The following PHACTR2 variants were observed in gnomAD, a reference collection of about 807,000 sequenced individuals.
The protein encoded by PHACTR2 is chromosome 6 open reading frame 56.
Under a neutral mutation model 76.0 loss-of-function variants are expected in PHACTR2, and 30 were observed. The ratio of observed to expected loss-of-function variants is 0.39; its 90% CI spans 0.30 to 0.54. The LOEUF is 0.54. Among genes scored for constraint, PHACTR2 ranks in the 20% least tolerant of loss-of-function variants. PHACTR2 has a pLI of 0.61. For synonymous variants in PHACTR2, 292 were observed against 292.5 expected (o/e 1.00, Z 0.02); for missense variants, 696 against 781.1 (o/e 0.89, Z 1.30).
At position 143,746,438 on chromosome 6, in the gene PHACTR2, C is replaced by T. The variant is rs944930263; in HGVS notation, c.215-2547C>T. Among the ~76,000 whole-genome samples the T allele has an allele frequency of 3.3e-5, 5 of 152,312 alleles. No homozygotes were observed. The South Asian group carries it at 1.0e-3, about 32-fold the overall frequency. On this transcript the variant is annotated intron_variant, in intron 2 of 12. Coordinates refer to ENST00000440869, the MANE Select transcript of PHACTR2 (RefSeq NM_001100164.2). ...GTGATTGAATGCTGAATTGGCAGTG[C>T]ATTTGGTTTGCGAGAATGTGGCCCG...
chr6:143,798,076 A>C (rs1017344996), intron 11 of PHACTR2, among the ~76,000 whole-genome samples: 1 of 152,092 alleles, frequency 6.6e-6, no homozygotes, highest in Non-Finnish European at 1.5e-5. Context: ...TATTTCCTTG[A>C]GCAGTGGTTT....
In PHACTR2 at chr6:143,663,796, G is replaced by A. The variant is rs2128448945; in HGVS notation, c.14-48220G>A. Among the ~76,000 whole-genome samples the A allele has an allele frequency of 6.6e-6, 1 of 151,774 alleles. No individual in the cohort carries two copies. On this transcript the variant is annotated intron_variant, in intron 1 of 11. Coordinates refer to the PHACTR2 transcript ENST00000305766. The surrounding 1 kb of genome is among the most constrained non-coding windows in gnomAD (Gnocchi z 4.1). ...TAATTACATTATGGTCAGAGATCAG[G>A]GATTACTTAATATGAATTACTTAAA...
chr6:143,653,207 C>T lies in PHACTR2; in HGVS notation c.13+44885C>T, dbSNP rs1464817323. Among the ~76,000 whole-genome samples, 1 of 152,188 alleles carries T rather than the reference C, an allele frequency of 6.6e-6. No individual in the cohort carries two copies. The highest frequency in any genetic ancestry group is 1.5e-5 in the Non-Finnish European group (1 of 68,036). ...AAGACACGTCAGGAAGCAATTTGTG[C>T]ATCGAGACTCGAGCTGCTTTGGAGT... On this transcript the variant is annotated intron_variant, in intron 1 of 11. Transcript: ENST00000305766. The surrounding 1 kb of genome is among the most constrained non-coding windows in gnomAD (Gnocchi z 4.9).
rs561503462 is a variant in PHACTR2, at chr6:143,789,657, G to A, written c.1845+747G>A. ...GCAAAATCTGGTATTGAATAAACTC[G>A]TGCTATACCCAGTTTTTTTTAATCA... On this transcript the variant is annotated intron_variant, in intron 11 of 12. Transcript: ENST00000440869. The surrounding 1 kb of genome is among the most constrained non-coding windows in gnomAD (Gnocchi z 5.1). Among the ~76,000 whole-genome samples the A allele has an allele frequency of 3.3e-5, 5 of 152,140 alleles. No individual in the cohort carries two copies. The highest frequency in any genetic ancestry group is 3.4e-3 in the Middle Eastern group (1 of 294).
upstream of PHACTR2, among the ~76,000 whole-genome samples, chr6:143,605,817 T>C (rs186202215): frequency 3.2e-4 from 49 of 152,358 alleles, no homozygotes; most frequent in African/African-American, 1.2e-3. This position sits in a 1 kb window ranked among gnomAD's most constrained non-coding sequence, Gnocchi z 5.0. Context: ...AAGAATTATT[T>C]TCTGCCATTT....
intron 1 of PHACTR2, among the ~76,000 whole-genome samples, chr6:143,686,834 C>T (rs77395714): frequency 1.3e-5 from 2 of 152,238 alleles, no homozygotes; most frequent in East Asian, 3.9e-4. Flanking sequence ...CTTTCCCCTG[C>T]TTTGGACATG....
At position 143,774,917 on chromosome 6, in the gene PHACTR2, C is replaced by T. The variant is rs1175006952; in HGVS notation, c.1589+702C>T. 6.6e-6 allele frequency among the ~76,000 whole-genome samples: 1 copy of T among 152,214 alleles called. No homozygotes were observed. Among genetic ancestry groups the T allele is most frequent in the Non-Finnish European group, 1.5e-5 (1 of 68,050 alleles). On this transcript the variant is annotated intron_variant, in intron 8 of 12. Transcript: ENST00000440869. The surrounding 1 kb of genome is among the most constrained non-coding windows in gnomAD (Gnocchi z 5.4). The stretch of plus-strand genomic sequence containing the variant: ...GGCAGTTTTAATAGAAGTGAGCATT[C>T]ATGCCAGAGGTCTTATTTTTGATGA...
intron 1 of PHACTR2, among the ~76,000 whole-genome samples, chr6:143,582,384 G>A (rs1434514848): frequency 6.6e-6 from 1 of 152,058 alleles, no homozygotes; most frequent in African/African-American, 2.4e-5. Flanking sequence ...CCAGAGACAA[G>A]CAGGATACCA....
At position 143,793,701 on chromosome 6, in the gene PHACTR2, G is replaced by A. The variant is rs183417718; in HGVS notation, c.1845+4791G>A. 1.8e-3 allele frequency among the ~76,000 whole-genome samples: 273 copies of A among 152,104 alleles called. No individual in the cohort carries two copies. Among genetic ancestry groups the A allele is most frequent in the Admixed American group, 2.9e-3 (45 of 15,270 alleles). On this transcript the variant is annotated intron_variant, in intron 11 of 12. Coordinates refer to ENST00000440869, the MANE Select transcript of PHACTR2 (RefSeq NM_001100164.2). The surrounding 1 kb of genome is among the most constrained non-coding windows in gnomAD (Gnocchi z 4.4). ...GTTTCTTGAGCTCAAGATTTCTTGA[G>A]CTCAGGAGTTTGAGACCAGCCTGAG...
In PHACTR2 at chr6:143,624,931, G is replaced by A. The variant is rs1246291972; in HGVS notation, c.13+16609G>A. Among the ~76,000 whole-genome samples, 2 of 152,030 alleles carry A rather than the reference G, an allele frequency of 1.3e-5. No homozygotes were observed. Among genetic ancestry groups the A allele is most frequent in the East Asian group, 3.9e-4 (2 of 5,192 alleles). ...AGTACTTTGGGAGGCCGAGGCGGGC[G>A]GATCATTTGAGGTCAGGAGTACAAG... On this transcript the variant is annotated intron_variant, in intron 1 of 11. Transcript: ENST00000305766. This position sits in a 1 kb window ranked among gnomAD's most constrained non-coding sequence, Gnocchi z 4.6.
Position 143,571,973 on chromosome 6 carries a change from A to T in PHACTR2, c.217+34766A>T, listed in dbSNP as rs1362544601. Among the ~76,000 whole-genome samples the T allele has an allele frequency of 6.6e-6, 1 of 152,224 alleles. No homozygotes were observed. The highest frequency in any genetic ancestry group is 1.9e-4 in the East Asian group (1 of 5,200). On this transcript the variant is annotated intron_variant, in intron 1 of 11. Coordinates refer to the PHACTR2 transcript ENST00000367584. The surrounding 1 kb of genome is among the most constrained non-coding windows in gnomAD (Gnocchi z 4.6). ...CTACAGAACTGATTTCTTATGAAACACTGGTCCCAAAAACATGTCAGATTA... is the reference window on the plus strand; with the variant it reads ...CTACAGAACTGATTTCTTATGAAACTCTGGTCCCAAAAACATGTCAGATTA...
At position 143,761,506 on chromosome 6, in the gene PHACTR2, C is replaced by T. The variant is rs1779440985; in HGVS notation, c.694+866C>T. Among the ~76,000 whole-genome samples the T allele has an allele frequency of 6.6e-6, 1 of 152,136 alleles. No homozygotes were observed. The highest frequency in any genetic ancestry group is 2.4e-5 in the African/African-American group (1 of 41,438). The stretch of plus-strand genomic sequence containing the variant: ...CAGTGGCTCACACCCGTAATCCCAG[C>T]ACTTTGGGAGGCTGATGCGGATCGA... On this transcript the variant is annotated intron_variant, in intron 5 of 12. Coordinates refer to ENST00000440869, the MANE Select transcript of PHACTR2 (RefSeq NM_001100164.2). This position sits in a 1 kb window ranked among gnomAD's most constrained non-coding sequence, Gnocchi z 5.2.
In PHACTR2 at chr6:143,652,826, T is replaced by A. The variant is rs1024541578; in HGVS notation, c.13+44504T>A. The stretch of plus-strand genomic sequence containing the variant: ...TCTGGTCATGTGTGTGTGTGATCTA[T>A]AATAGGGTCACAGCTTTATGAAATT... On this transcript the variant is annotated intron_variant, in intron 1 of 11. Coordinates refer to the PHACTR2 transcript ENST00000305766. This position sits in a 1 kb window ranked among gnomAD's most constrained non-coding sequence, Gnocchi z 4.5. 3.9e-5 allele frequency among the ~76,000 whole-genome samples: 6 copies of A among 152,214 alleles called. No homozygotes were observed. Among genetic ancestry groups the A allele is most frequent in the Admixed American group, 3.9e-4 (6 of 15,292 alleles).
chr6:143,807,034 T>A lies in PHACTR2; in HGVS notation c.1846-23T>A. 7.5e-7 allele frequency: 1 copy of A among 1,340,240 alleles called. No homozygotes were observed. The highest frequency in any genetic ancestry group is 1.1e-6 in the Non-Finnish European group (1 of 935,580). The allele number at this position is 1,340,240 out of a possible 1,614,324, so 83.0% of individuals were successfully genotyped here. On this transcript the variant is annotated intron_variant, in intron 11 of 12. Transcript: ENST00000440869. The surrounding 1 kb of genome is among the most constrained non-coding windows in gnomAD (Gnocchi z 5.5). ...ATATGACCTAAATAACAGTTCTGTT[T>A]ATCTATTTTTTTTCCTGTTTAGGCA...
At chr6:143,771,175 T>TGTATATATAC (rs1775111347) in intron 6 of PHACTR2, among the ~76,000 whole-genome samples, 1 of 15,968 alleles carries the variant, frequency 6.3e-5, no homozygotes, top group Non-Finnish European at 9.6e-5. Context: ...TATATATATG[T>TGTATATATAC]ATATATATAT....
chr6:143,691,590 G>A (rs1038736618), intron 1 of PHACTR2, among the ~76,000 whole-genome samples: 4 of 152,078 alleles, frequency 2.6e-5, no homozygotes, highest in Non-Finnish European at 4.4e-5. Context: ...AGTTACATTC[G>A]AAGGCAAGGA....
intron 1 of PHACTR2, among the ~76,000 whole-genome samples, chr6:143,693,604 C>T (rs1399545293): frequency 6.6e-6 from 1 of 152,172 alleles, no homozygotes; most frequent in Non-Finnish European, 1.5e-5. Flanking sequence ...AACCAATGTA[C>T]AAACCAGGAC....
rs940777937 is a variant in PHACTR2, at chr6:143,793,293, A to C, written c.1845+4383A>C. Among the ~76,000 whole-genome samples, 1 of 152,066 alleles carries C rather than the reference A, an allele frequency of 6.6e-6. No homozygotes were observed. Among genetic ancestry groups the C allele is most frequent in the African/African-American group, 2.4e-5 (1 of 41,390 alleles). On this transcript the variant is annotated intron_variant, in intron 11 of 12. Transcript: ENST00000440869. This position sits in a 1 kb window ranked among gnomAD's most constrained non-coding sequence, Gnocchi z 4.4. ...TTTTTTTTTAATTTTATGTTGAAAC[A>C]AAAATGGGATTTTGTTCTGGACTTC...
At position 143,654,077 on chromosome 6, in the gene PHACTR2, G is replaced by T. The variant is rs1050431018; in HGVS notation, c.13+45755G>T. On this transcript the variant is annotated intron_variant, in intron 1 of 11. Transcript: ENST00000305766. The surrounding 1 kb of genome is among the most constrained non-coding windows in gnomAD (Gnocchi z 4.6). ...TTTGAAAAGACATTTCTCCAAAGAA[G>T]ATATTCAGATATCTAATAAACACAT... Among the ~76,000 whole-genome samples the T allele has an allele frequency of 6.6e-6, 1 of 152,136 alleles. No individual in the cohort carries two copies. The highest frequency in any genetic ancestry group is 1.5e-5 in the Non-Finnish European group (1 of 68,028).
Sources: allele counts gnomAD v4.1 joint callset (sites outside exome capture counted in the v4.1 genomes callset), GRCh38; gene constraint gnomAD v4.1.1; non-coding constraint Gnocchi (gnomAD v3.1); transcripts MANE v1.5; gene names NCBI Gene and HGNC (gene_info 2026-07-23, HGNC 2026-07-21).